The following FOXN2 variants were observed in gnomAD, a reference collection of about 807,000 sequenced individuals.
FOXN2 encodes forkhead box N2.
FOXN2 carries 19 observed loss-of-function variants against 41.2 expected under a neutral mutation model. The observed-to-expected ratio is 0.46, with a 90% confidence interval of 0.32 to 0.68. The LOEUF (loss-of-function observed/expected upper bound fraction) is 0.68. FOXN2 is among the 30% of genes least tolerant of loss of function. FOXN2 has a pLI of 0.03. For synonymous variants in FOXN2, 195 were observed against 176.8 expected, an observed-to-expected ratio of 1.10 and a Z score of -0.82; for missense variants, 587 against 509.4, an observed-to-expected ratio of 1.15 and a Z score of -1.47.
chr2:48,354,549 G>A (rs1051809938), intron 3 of FOXN2, among the ~76,000 whole-genome samples: 4 of 152,180 alleles, frequency 2.6e-5, no homozygotes, highest in Non-Finnish European at 5.9e-5. Context: ...GCAGTGAGCC[G>A]AGACTGTGCC....
intron 1 of FOXN2, among the ~76,000 whole-genome samples, chr2:48,321,579 A>T (rs1242334188): frequency 6.6e-6 from 1 of 152,094 alleles, no homozygotes; most frequent in African/African-American, 2.4e-5. Context: ...GGGTAAAAGT[A>T]TTATTTCATG....
At chr2:48,340,155 A>G (rs1340323199) in intron 2 of FOXN2, among the ~76,000 whole-genome samples, 2 of 152,190 alleles carry the variant, frequency 1.3e-5, no homozygotes, top group Non-Finnish European at 2.9e-5. Flanking sequence ...CAAAATTCTG[A>G]TTGGTTAAAT....
At chr2:48,336,584 A>T (rs1670377958) in intron 2 of FOXN2, among the ~76,000 whole-genome samples, 1 of 151,532 alleles carries the variant, frequency 6.6e-6, no homozygotes, top group Admixed American at 6.6e-5. Context: ...GTAGAGGATT[A>T]AAAAAAATGG....
At chr2:48,339,156 A>G (rs1670569683) in intron 2 of FOXN2, among the ~76,000 whole-genome samples, 1 of 152,182 alleles carries the variant, frequency 6.6e-6, no homozygotes, top group South Asian at 2.1e-4. Context: ...AATGAATAAA[A>G]AGGTCTTCTG....
intron 2 of FOXN2, among the ~76,000 whole-genome samples, chr2:48,331,393 G>A (rs1670012592): frequency 6.6e-6 from 1 of 152,180 alleles, no homozygotes. Flanking sequence ...GTAGCATGAA[G>A]AGATTCAATA....
At chr2:48,314,277 G>C (rs1668833682), upstream of FOXN2, among the ~76,000 whole-genome samples, 1 of 152,248 alleles carries the variant, frequency 6.6e-6, no homozygotes, top group Admixed American at 6.5e-5. Context: ...CGACCACTCA[G>C]CGGCCGCGCC....
At chr2:48,321,318 G>A (rs981212654) in intron 1 of FOXN2, among the ~76,000 whole-genome samples, 2 of 152,090 alleles carry the variant, frequency 1.3e-5, no homozygotes, top group African/African-American at 4.8e-5. Context: ...GGCGGATCAC[G>A]AGGTCAGGAG....
chr2:48,367,608 T>C (rs1672615091), intron 5 of FOXN2, among the ~76,000 whole-genome samples: 1 of 152,244 alleles, frequency 6.6e-6, no homozygotes, highest in South Asian at 2.1e-4. Context: ...AATAAATCCT[T>C]TTGTAATTAC....
upstream of FOXN2, among the ~76,000 whole-genome samples, chr2:48,313,820 A>G (rs1292441291): frequency 1.3e-5 from 2 of 152,184 alleles, no homozygotes; most frequent in Non-Finnish European, 2.9e-5. Flanking sequence ...ACGAACCAAA[A>G]CAAACAGGAA....
At chr2:48,327,870 TTTG>T (rs1361085010) in intron 1 of FOXN2, among the ~76,000 whole-genome samples, 1 of 152,218 alleles carries the variant, frequency 6.6e-6, no homozygotes, top group Non-Finnish European at 1.5e-5. Context: ...TAATTGTATT[TTTG>T]TTTTGTTTTT....
chr2:48,325,844 CT>C (rs959535701), intron 1 of FOXN2, among the ~76,000 whole-genome samples: 1,830 of 102,892 alleles, frequency 0.018, 2 homozygotes, highest in Non-Finnish European at 0.026. Context: ...CTCAAGATTT[CT>C]TTTTTTTTTT....
Position 48,343,940 on chromosome 2 carries a change from A to G in FOXN2, c.-14-2261A>G, listed in dbSNP as rs146552897. ...TAGCCACTGCTGTTTGGTACTTTCT[A>G]ATTTCTAGATGTAATGGAAGATAGA... On this transcript the variant is annotated intron_variant, in intron 2 of 6. Coordinates refer to ENST00000340553, the MANE Select transcript of FOXN2 (RefSeq NM_002158.4). Among the ~76,000 whole-genome samples, 18 of 152,308 alleles carry G rather than the reference A, an allele frequency of 1.2e-4. No individual in the cohort carries two copies. In the East Asian group the frequency reaches 3.5e-3, roughly 29 times the overall value.
Position 48,373,334 on chromosome 2 carries a change from C to T in FOXN2, c.746C>T (p.Thr249Ile), listed in dbSNP as rs762803677. ...GCTGCTGCAATGATGCTTTTAAATA[C>T]TTCTATAGAACAAGGAATTTTAGAA... ...DAAAAMMLLN[T>I]SIEQGILECE... Residue 249 changes from threonine to isoleucine, a missense_variant, in exon 6 of 7, where the codon ACT (threonine) becomes ATT (isoleucine). Transcript: ENST00000340553. The T allele has an allele frequency of 3.8e-6, 6 of 1,586,260 alleles. No individual in the cohort carries two copies. The highest frequency in any genetic ancestry group is 1.9e-5 in the Admixed American group (1 of 53,204).
chr2:48,369,757 G>A (rs1558640999), intron 5 of FOXN2, among the ~76,000 whole-genome samples: 1 of 152,074 alleles, frequency 6.6e-6, no homozygotes, highest in African/African-American at 2.4e-5. Context: ...GCTCACACCT[G>A]TAATCCCAGC....
intron 3 of FOXN2, among the ~76,000 whole-genome samples, chr2:48,352,939 T>G (rs1262469616): frequency 1.3e-5 from 2 of 152,144 alleles, no homozygotes; most frequent in Non-Finnish European, 2.9e-5. Flanking sequence ...GGCCATTTCT[T>G]TTAGTTTCTA....
intron 6 of FOXN2, 95 bp from the exon 7 acceptor site, chr2:48,374,825 C>A: frequency 3.0e-6 from 3 of 1,008,696 alleles, no homozygotes; most frequent in East Asian, 2.4e-5. Context: ...GAATCTAAAA[C>A]ATTTGTTGCT....
intron 3 of FOXN2, among the ~76,000 whole-genome samples, chr2:48,352,981 C>T (rs1366842195): frequency 6.6e-6 from 1 of 152,034 alleles, no homozygotes; most frequent in Non-Finnish European, 1.5e-5. Flanking sequence ...AGGTCTTCCC[C>T]TCATTTCTCA....
At chr2:48,340,730 C>G (rs901767652) in intron 2 of FOXN2, 1 of 152,128 alleles carries the variant, frequency 6.6e-6, no homozygotes, top group African/African-American at 2.4e-5. Flanking sequence ...GACTATATCG[C>G]AAGTAATTGC....
intron 3 of FOXN2, among the ~76,000 whole-genome samples, chr2:48,349,105 C>G (rs979053291): frequency 6.6e-6 from 1 of 152,216 alleles, no homozygotes; most frequent in Non-Finnish European, 1.5e-5. Flanking sequence ...AAAATGTACT[C>G]TTTAATGCCA....
Sources: gnomAD v4.1 joint callset for allele counts (sites outside exome capture counted in the v4.1 genomes callset) on GRCh38, gnomAD v4.1.1 for gene constraint, MANE v1.5 for transcripts, NCBI Gene and HGNC (gene_info 2026-07-23, HGNC 2026-07-21) for gene names.